The following SRGAP2C variants were observed in gnomAD, a reference collection of about 807,000 sequenced individuals.
SRGAP2C encodes the protein SLIT-ROBO Rho GTPase activating protein 2C, also known as SLIT-ROBO Rho GTPase-activating protein 2C.
Under a neutral mutation model 25.1 loss-of-function variants are expected in SRGAP2C, and 15 were observed. The ratio of observed to expected loss-of-function variants is 0.60; its 90% CI spans 0.40 to 0.92. SRGAP2C has a LOEUF of 0.92. Among genes scored for constraint, SRGAP2C ranks in the 40% least tolerant of loss-of-function variants. The pLI is 0.00. For missense variants in SRGAP2C, 144 were observed against 264.4 expected, an observed-to-expected ratio of 0.54 and a Z score of 3.16; for synonymous variants, 44 against 96.6, an observed-to-expected ratio of 0.46 and a Z score of 3.19.
At chr1:121,314,999 A>T (rs1658064240) in intron 3 of SRGAP2C, 2 of 1,055,704 alleles carry the variant, frequency 1.9e-6, no homozygotes, top group Non-Finnish European at 1.4e-6. Context: ...AACTATCCTC[A>T]GTCTTGTCAA....
intron 3 of SRGAP2C, among the ~76,000 whole-genome samples, chr1:121,307,420 TG>T (rs1290649861): frequency 1.4e-5 from 2 of 147,016 alleles, no homozygotes; most frequent in African/African-American, 5.0e-5. Flanking sequence ...TTAAATTTTT[TG>T]GTGTGCATAA....
rs587647975 is a variant in SRGAP2C at position 121,229,504 on chromosome 1, GA to G, written c.67+42000del. ...ACCTTTCTCAGAGCAGTGCTATTGG[GA>G]AAAAAAAATCTAGGCATTTTTGTTC... On this transcript the variant is annotated intron_variant, in intron 2 of 9. Transcript: ENST00000367123. 2.7e-5 allele frequency among the ~76,000 whole-genome samples: 4 copies of G among 149,268 alleles called. No individual in the cohort carries two copies. In the Admixed American group the frequency reaches 2.7e-4, roughly 10 times the overall value.
At chr1:121,363,887 A>G (rs1404471726) in intron 4 of SRGAP2C, among the ~76,000 whole-genome samples, 1 of 151,694 alleles carries the variant, frequency 6.6e-6, no homozygotes, top group Non-Finnish European at 1.5e-5. Context: ...TCTTAGTGGT[A>G]GGAATTTAAG....
At chr1:121,332,330 G>A (rs1658450577) in intron 4 of SRGAP2C, among the ~76,000 whole-genome samples, 1 of 95,714 alleles carries the variant, frequency 1.0e-5, no homozygotes, top group Admixed American at 1.2e-4. Flanking sequence ...GTTTGCCTCT[G>A]CAACAGACAG....
In SRGAP2C at chr1:121,324,537, A is replaced by G; in HGVS notation, c.320A>G (p.Lys107Arg). The G allele has an allele frequency of 5.0e-6, 8 of 1,613,642 alleles. No individual in the cohort carries two copies. Among genetic ancestry groups the G allele is most frequent in the Non-Finnish European group, 6.8e-6 (8 of 1,179,608 alleles). Residue 107 changes from lysine (K) to arginine (R), a missense_variant, in exon 4 of 10, where the codon AAG becomes AGG. Physicochemically the swap from Lys to Arg is conservative, Grantham distance 26. Transcript: ENST00000367123. Reference protein sequence around the residue: ...NCWNLLLNQVKWESRDHTTLS... With the variant: ...NCWNLLLNQVRWESRDHTTLS... ...TGGAATCTCCTCTTAAACCAGGTGA[A>G]GTGGGAAAGCAGGGACCATACCACC...
Position 121,374,932 on chromosome 1 carries a change from A to T in SRGAP2C, c.809A>T (p.His270Leu), listed in dbSNP as rs781947044. The T allele has an allele frequency of 7.7e-6, 6 of 778,240 alleles. No homozygotes were observed. The highest frequency in any genetic ancestry group is 1.4e-5 in the Non-Finnish European group (6 of 416,832). 48.2% of individuals were successfully genotyped at this position (778,240 alleles called of 1,614,324 possible). ...GCATCTGTCTTCAAGTACTACATCC[A>T]TGACCTATCTGACCTTATTGATGTA... ...TNASVFKYYI[H>L]DLSDLIDQCC... Residue 270 changes from histidine (H) to leucine (L), a missense_variant, in exon 7 of 10, where the codon CAT becomes CTT. His to Leu is a moderately conservative substitution (Grantham distance 99, BLOSUM62 -3). Transcript: ENST00000367123.
At chr1:121,285,992 T>TA (rs1198069754) in intron 3 of SRGAP2C, among the ~76,000 whole-genome samples, 99 of 152,212 alleles carry the variant, frequency 6.5e-4, no homozygotes, top group African/African-American at 2.2e-3. Flanking sequence ...CTGATGAGCT[T>TA]AAAAAAAATT....
At chr1:121,375,022 C>T (rs1553352781) in intron 7 of SRGAP2C, 68 bp downstream of exon 7, 1 of 726,242 alleles carries the variant, frequency 1.4e-6, no homozygotes, top group African/African-American at 1.7e-5. Flanking sequence ...TCAGACATTC[C>T]CGATACTATT....
At chr1:121,273,901 G>A (rs1657039336) in intron 2 of SRGAP2C, among the ~76,000 whole-genome samples, 1 of 151,760 alleles carries the variant, frequency 6.6e-6, no homozygotes, top group Non-Finnish European at 1.5e-5. Context: ...AGAAGGCAAT[G>A]CACTGTCAGG....
At position 121,392,024 on chromosome 1, in the gene SRGAP2C, G is replaced by A. The variant is rs1553358128; in HGVS notation, c.*4169G>A. 6.6e-6 allele frequency: 1 copy of A among 152,002 alleles called. No homozygotes were observed. Among genetic ancestry groups the A allele is most frequent in the Non-Finnish European group, 1.5e-5 (1 of 67,982 alleles). 9.4% of individuals were successfully genotyped at this position (152,002 alleles called of 1,614,324 possible). A position where few individuals can be genotyped will look rare whatever the true frequency, so the allele number is the denominator to read the frequency against. On this transcript the variant is annotated 3_prime_UTR_variant, in exon 10 of 10. Coordinates refer to ENST00000367123, the MANE Select transcript of SRGAP2C (RefSeq NM_001329984.2). ...ATCAGCAAAGAGATAACAAATTCTG[G>A]AGTGGAAAACTACAATGATAAAAAT...
At chr1:121,335,714 A>C (rs1187978753) in intron 4 of SRGAP2C, among the ~76,000 whole-genome samples, 4 of 149,686 alleles carry the variant, frequency 2.7e-5, no homozygotes, top group Non-Finnish European at 4.4e-5. Flanking sequence ...CAGCCTCCCA[A>C]TTATTGTATG....
At position 121,295,955 on chromosome 1, in the gene SRGAP2C, T is replaced by G. The variant is rs1432627982; in HGVS notation, c.260+10960T>G. 2.0e-5 allele frequency among the ~76,000 whole-genome samples: 3 copies of G among 152,190 alleles called. No homozygotes were observed. The East Asian group carries it at 5.8e-4, about 29-fold the overall frequency. On this transcript the variant is annotated intron_variant, in intron 3 of 9. Transcript: ENST00000367123. The stretch of plus-strand genomic sequence containing the variant: ...TTTGTATTTTTAGTAGAGACAGGGC[T>G]TCTCCATGTTGGTCAGGTTGGTCTT...
intron 2 of SRGAP2C, among the ~76,000 whole-genome samples, chr1:121,202,705 G>A (rs1410317088): frequency 6.6e-6 from 1 of 152,064 alleles, no homozygotes; most frequent in East Asian, 1.9e-4. Context: ...GGGATTATAG[G>A]CGTGAGCCAC....
chr1:121,284,822 A>G lies in SRGAP2C; in HGVS notation c.87A>G (p.Thr29=). 1 of 887,358 alleles carries G rather than the reference A, an allele frequency of 1.1e-6. No homozygotes were observed. The highest frequency in any genetic ancestry group is 1.7e-5 in the South Asian group (1 of 59,962). The allele number at this position is 887,358 out of a possible 1,614,324, so 55.0% of individuals were successfully genotyped here. A position where few individuals can be genotyped will look rare whatever the true frequency, so the allele number is the denominator to read the frequency against. ...TTGTAGAGATCCGTGCTCAGCTCAC[A>G]GAGCAGATGAAATGCCTGGACCAGC... The part of the protein sequence containing the change: ...TQVKEIRAQL[T]EQMKCLDQQC... The change falls in exon 3 of 10, where the codon ACA becomes ACG. Residue 29 remains threonine (T), a synonymous_variant. Transcript: ENST00000367123.
intron 2 of SRGAP2C, among the ~76,000 whole-genome samples, chr1:121,191,854 A>T (rs1654688898): frequency 6.9e-6 from 1 of 144,092 alleles, no homozygotes; most frequent in Non-Finnish European, 1.5e-5. Context: ...CTGTATGCTG[A>T]GCAGTCACAT....
At chr1:121,238,500 T>C (rs1395922394) in intron 2 of SRGAP2C, among the ~76,000 whole-genome samples, 2 of 152,128 alleles carry the variant, frequency 1.3e-5, no homozygotes, top group African/African-American at 4.8e-5. Context: ...TGTGGGAAGG[T>C]ATGATAAGAG....
intron 3 of SRGAP2C, among the ~76,000 whole-genome samples, chr1:121,309,384 C>A (rs1284573303): frequency 2.8e-5 from 4 of 142,532 alleles, no homozygotes. Context: ...GCTGATAATT[C>A]CATATAATAT....
intron 3 of SRGAP2C, among the ~76,000 whole-genome samples, chr1:121,285,398 T>TCACACACACA (rs1183882272): frequency 1.6e-5 from 1 of 64,370 alleles, no homozygotes; most frequent in Non-Finnish European, 3.6e-5. Flanking sequence ...TCTGTCTCTC[T>TCACACACACA]CTCTCTCACA....
rs1172103186 is a variant in SRGAP2C at position 121,189,096 on chromosome 1, C to CTTTTTTT, written c.67+1604_67+1610dup. 4.4e-3 allele frequency among the ~76,000 whole-genome samples: 127 copies of CTTTTTTT among 29,056 alleles called. 27 individuals are homozygous for CTTTTTTT. The highest frequency in any genetic ancestry group is 0.017 in the African/African-American group (83 of 4,830). 19.1% of individuals were successfully genotyped at this position (29,056 alleles called of 152,430 possible). A position where few individuals can be genotyped will look rare whatever the true frequency, so the allele number is the denominator to read the frequency against. On this transcript the variant is annotated intron_variant, in intron 2 of 9. Coordinates refer to ENST00000367123, the MANE Select transcript of SRGAP2C (RefSeq NM_001329984.2). The stretch of plus-strand genomic sequence containing the variant: ...CCCCTGCAGTTTTAACCAGATATGT[C>CTTTTTTT]TTTTTTTTTTTTTTTTTTTTTTTTT...
Sources: gnomAD v4.1 joint callset for allele counts (sites outside exome capture counted in the v4.1 genomes callset) on GRCh38, gnomAD v4.1.1 for gene constraint, MANE v1.5 for transcripts, NCBI Gene and HGNC (gene_info 2026-07-23, HGNC 2026-07-21) for gene names.